FAM216B: variants seen among roughly 807,000 people sequenced by gnomAD.
FAM216B encodes the protein family with sequence similarity 216 member B.
A neutral mutation model predicts 12.9 loss-of-function variants in FAM216B; 11 were observed. The observed-to-expected ratio is 0.86, with a 90% CI of 0.54 to 1.42. The LOEUF (loss-of-function observed/expected upper bound fraction) is 1.42, where lower values mean the gene tolerates loss of function less well. Ranked by LOEUF, FAM216B falls within the 40% of genes most tolerant of loss-of-function variation. The pLI, the probability that FAM216B is intolerant of heterozygous loss-of-function variation, is 0.00. For synonymous variants in FAM216B, 52 were observed against 57.2 expected (o/e 0.91, Z 0.41); for missense variants, 167 against 162.9 (o/e 1.02, Z -0.14).
At position 42,784,148 on chromosome 13, in the gene FAM216B, T is replaced by C. The variant is rs1164126087; in HGVS notation, c.81T>C (p.Tyr27=). 1 of 1,560,796 alleles carries C rather than the reference T, an allele frequency of 6.4e-7. No individual in the cohort carries two copies. The highest frequency in any genetic ancestry group is 8.8e-7 in the Non-Finnish European group (1 of 1,142,376). Residue 27 remains tyrosine (Y), a synonymous_variant, in exon 2 of 4, where the codon TAT becomes TAC. Transcript: ENST00000313851. ...LPFIRVPPSI[Y]DTSLLKALNQ... Reference sequence around the variant, plus strand: ...TTATTCGAGTTCCTCCCTCCATCTATGACACTTCCTTACTAAAGGTATGGC... The same window carrying C: ...TTATTCGAGTTCCTCCCTCCATCTACGACACTTCCTTACTAAAGGTATGGC...
At chr13:42,785,728 C>G (rs1387760319) in intron 2 of FAM216B, among the ~76,000 whole-genome samples, 1 of 152,168 alleles carries the variant, frequency 6.6e-6, no homozygotes. Context: ...TAAATGGTCT[C>G]TCTACCAATG....
Position 42,784,173 on chromosome 13 carries a change from CTTTTT to C in FAM216B, c.99+23_99+27del, listed in dbSNP as rs71202236. On this transcript the variant is annotated splice_region_variant and intron_variant, in intron 2 of 3. Coordinates refer to ENST00000313851, the MANE Select transcript of FAM216B (RefSeq NM_001318932.2). ...TGACACTTCCTTACTAAAGGTATGG[CTTTTT>C]TTTTTTTTTTTTTTTCACAGATAGA... is the stretch of plus-strand genomic sequence containing the variant. The C allele has an allele frequency of 2.1e-4, 155 of 752,246 alleles. No individual in the cohort carries two copies. Among genetic ancestry groups the C allele is most frequent in the Middle Eastern group, 4.4e-4 (1 of 2,248 alleles). The allele number at this position is 752,246 out of a possible 1,614,324, so 46.6% of individuals were successfully genotyped here. A position where few individuals can be genotyped will look rare whatever the true frequency, so the allele number is the denominator to read the frequency against.
At chr13:42,784,873 A>T (rs191072860) in intron 2 of FAM216B, among the ~76,000 whole-genome samples, 1,549 of 151,528 alleles carry the variant, frequency 0.01, 23 homozygotes, top group African/African-American at 0.035. Context: ...TAAAAAAAAA[A>T]TTTTCAGTTC....
In FAM216B at chr13:42,791,096, A is replaced by G. The variant is rs1874298873; in HGVS notation, c.*2306A>G. ...AATAAAGCTGACTACAAGTTGGTCT[A>G]TTTTTTATTACCACCATGAGCCAGC... On this transcript the variant is annotated 3_prime_UTR_variant, in exon 4 of 4. Coordinates refer to ENST00000313851, the MANE Select transcript of FAM216B (RefSeq NM_001318932.2). 3 of 152,184 alleles carry G rather than the reference A, an allele frequency of 2.0e-5. No homozygotes were observed. The highest frequency in any genetic ancestry group is 2.0e-4 in the Admixed American group (3 of 15,276). The allele number at this position is 152,184 out of a possible 1,614,324, so 9.4% of individuals were successfully genotyped here.
intron 2 of FAM216B, among the ~76,000 whole-genome samples, chr13:42,785,217 T>C (rs1874034586): frequency 6.6e-6 from 1 of 152,220 alleles, no homozygotes; most frequent in South Asian, 2.1e-4. Flanking sequence ...GCTGAAATAA[T>C]GTCTCAAATT....
At chr13:42,783,374 A>G (rs1326787639) in intron 1 of FAM216B, among the ~76,000 whole-genome samples, 2 of 152,212 alleles carry the variant, frequency 1.3e-5, no homozygotes, top group East Asian at 1.9e-4. Context: ...AATTATGGAT[A>G]GTTAGATGCA....
Position 42,791,384 on chromosome 13 carries a change from T to C in FAM216B, c.*2594T>C, listed in dbSNP as rs1874309073. ...CCAGCCCCTGTAGTACTATATATTA[T>C]TGCATTTAAATGATGGATTTGAAAT... is the stretch of plus-strand genomic sequence containing the variant. On this transcript the variant is annotated 3_prime_UTR_variant, in exon 4 of 4. Transcript: ENST00000313851. The C allele has an allele frequency of 6.6e-6, 1 of 152,196 alleles. No individual in the cohort carries two copies. Among genetic ancestry groups the C allele is most frequent in the Non-Finnish European group, 1.5e-5 (1 of 68,036 alleles). 9.4% of individuals were successfully genotyped at this position (152,196 alleles called of 1,614,324 possible).
chr13:42,783,023 AG>A (rs1177439122), intron 1 of FAM216B, among the ~76,000 whole-genome samples: 12 of 152,164 alleles, frequency 7.9e-5, no homozygotes, highest in Admixed American at 7.9e-4. Context: ...ATAAAAGGAA[AG>A]TGAAGCTCAG....
intron 3 of FAM216B, among the ~76,000 whole-genome samples, chr13:42,788,227 A>T (rs879498673): frequency 1.3e-5 from 2 of 152,226 alleles, no homozygotes; most frequent in Non-Finnish European, 2.9e-5. Context: ...TTGAAAAAGC[A>T]TGTGGCCTCA....
At position 42,788,742 on chromosome 13, in the gene FAM216B, G is replaced by A. The variant is rs201640702; in HGVS notation, c.372G>A (p.Val124=). The change falls in exon 4 of 4, where the codon GTG becomes GTA. Residue 124 remains valine, a synonymous_variant. Coordinates refer to ENST00000313851, the MANE Select transcript of FAM216B (RefSeq NM_001318932.2). ...GTCCATCAGTACTACCTGTATCTGT[G>A]GTTCTACCTAGGGCCCAAAGTAAAA... is the stretch of plus-strand genomic sequence containing the variant. ...RRCPSVLPVS[V]VLPRAQSKRR... is the part of the protein sequence containing the mutation. The A allele has an allele frequency of 4.3e-6, 7 of 1,613,728 alleles. No individual in the cohort carries two copies. Among genetic ancestry groups the A allele is most frequent in the Non-Finnish European group, 5.9e-6 (7 of 1,179,782 alleles).
chr13:42,786,797 G>A lies in FAM216B; in HGVS notation c.134G>A (p.Ser45Asn). Reference sequence around the variant, plus strand: ...CAAGGGCAACAGCGCTACTTTTACAGCATTATGAGGATTTACAACTCCAGG... The same window carrying A: ...CAAGGGCAACAGCGCTACTTTTACAACATTATGAGGATTTACAACTCCAGG... Reference protein sequence around the residue: ...LNQGQQRYFYSIMRIYNSRPQ... With the variant: ...LNQGQQRYFYNIMRIYNSRPQ... The change falls in exon 3 of 4, where the codon AGC becomes AAC. Residue 45 changes from serine to asparagine, a missense_variant. By Grantham distance (46) the Ser-to-Asn change is conservative (BLOSUM62 1). Transcript: ENST00000313851. 3.7e-6 allele frequency: 6 copies of A among 1,614,030 alleles called. No individual in the cohort carries two copies. The highest frequency in any genetic ancestry group is 1.1e-5 in the South Asian group (1 of 91,078).
rs142686003 is a variant in FAM216B at position 42,787,510 on chromosome 13, C to T, written c.220+627C>T. Among the ~76,000 whole-genome samples the T allele has an allele frequency of 1.5e-4, 23 of 152,272 alleles. No individual in the cohort carries two copies. In the East Asian group the frequency reaches 4.4e-3, roughly 29 times the overall value. On this transcript the variant is annotated intron_variant, in intron 3 of 3. Transcript: ENST00000313851. ...TTCAACCTCTTTAGATTTTACAAAGCACAAATGAAATAATGGTTGTGAAAG... is the reference window on the plus strand; with the variant it reads ...TTCAACCTCTTTAGATTTTACAAAGTACAAATGAAATAATGGTTGTGAAAG...
intron 2 of FAM216B, among the ~76,000 whole-genome samples, chr13:42,786,005 G>A (rs1382961101): frequency 6.6e-6 from 1 of 152,136 alleles, no homozygotes; most frequent in Admixed American, 6.5e-5. Flanking sequence ...TCCCTGTTGA[G>A]AGCCACTGCC....
rs1473842935 is a variant in FAM216B at position 42,789,654 on chromosome 13, G to A, written c.*864G>A. The A allele has an allele frequency of 1.3e-5, 2 of 151,718 alleles. No individual in the cohort carries two copies. The allele number at this position is 151,718 out of a possible 1,614,324, so 9.4% of individuals were successfully genotyped here. On this transcript the variant is annotated 3_prime_UTR_variant, in exon 4 of 4. Coordinates refer to ENST00000313851, the MANE Select transcript of FAM216B (RefSeq NM_001318932.2). The stretch of plus-strand genomic sequence containing the variant: ...AGAGATTTTGTGTGTGTGTGTGTGT[G>A]TGTGTGTGTGTGTGTTAAAAATCAG...
Position 42,788,611 on chromosome 13 carries a change from G to A in FAM216B, c.241G>A (p.Ala81Thr). The change falls in exon 4 of 4, where the codon GCC becomes ACC. Residue 81 changes from alanine (A) to threonine (T), a missense_variant. Transcript: ENST00000313851. ...CCTAGGCTATATTACTCAACGGGAA[G>A]CCTTGTCTTATGCTCTTGTACTTAG... ...QLLGYITQREALSYALVLRDS... is the reference protein window; with the variant it reads ...QLLGYITQRETLSYALVLRDS... The A allele has an allele frequency of 6.2e-7, 1 of 1,613,524 alleles. No homozygotes were observed. The highest frequency in any genetic ancestry group is 1.1e-5 in the South Asian group (1 of 91,010).
At chr13:42,787,537 C>T (rs962141693) in intron 3 of FAM216B, among the ~76,000 whole-genome samples, 15 of 152,164 alleles carry the variant, frequency 9.9e-5, no homozygotes, top group African/African-American at 2.7e-4. Context: ...TTGTGAAAGA[C>T]CTTCACAAAT....
Position 42,789,120 on chromosome 13 carries a change from C to T in FAM216B, c.*330C>T, listed in dbSNP as rs1170702098. On this transcript the variant is annotated 3_prime_UTR_variant, in exon 4 of 4. Coordinates refer to ENST00000313851, the MANE Select transcript of FAM216B (RefSeq NM_001318932.2). ...AAGTGACCAGAAAGGGCCAGGTCCT[C>T]TGTCACTGGGTGACCATTTCTAGCA... is the stretch of plus-strand genomic sequence containing the variant. The T allele has an allele frequency of 5.1e-6, 1 of 196,462 alleles. No homozygotes were observed. The highest frequency in any genetic ancestry group is 5.3e-5 in the Admixed American group (1 of 18,772). 12.2% of individuals were successfully genotyped at this position (196,462 alleles called of 1,614,324 possible).
At chr13:42,784,717 C>T (rs924458276) in intron 2 of FAM216B, among the ~76,000 whole-genome samples, 3 of 148,682 alleles carry the variant, frequency 2.0e-5, no homozygotes, top group African/African-American at 7.4e-5. Context: ...GTCTGTAGTC[C>T]TAGCTACTCA....
rs1874236457 is a variant in FAM216B at position 42,789,635 on chromosome 13, T to TG, written c.*845_*846insG. 4.5e-5 allele frequency: 3 copies of TG among 66,016 alleles called. No individual in the cohort carries two copies. Among genetic ancestry groups the TG allele is most frequent in the South Asian group, 4.2e-4 (1 of 2,364 alleles). The allele number at this position is 66,016 out of a possible 1,614,324, so 4.1% of individuals were successfully genotyped here. Reference sequence around the variant, plus strand: ...AATGGTTATTTTCATCACCAGAGATTTTGTGTGTGTGTGTGTGTGTGTGTG... The same window carrying TG: ...AATGGTTATTTTCATCACCAGAGATTGTTGTGTGTGTGTGTGTGTGTGTGTG... On this transcript the variant is annotated 3_prime_UTR_variant, in exon 4 of 4. Coordinates refer to ENST00000313851, the MANE Select transcript of FAM216B (RefSeq NM_001318932.2).
Sources: gnomAD v4.1 joint callset for allele counts (sites outside exome capture counted in the v4.1 genomes callset) on GRCh38, gnomAD v4.1.1 for gene constraint, MANE v1.5 for transcripts, NCBI Gene and HGNC (gene_info 2026-07-23, HGNC 2026-07-21) for gene names.